Variants in AIG1 observed in about 807,000 individuals in gnomAD.
The protein encoded by AIG1 is androgen-induced gene 1 protein.
AIG1 carries 23 observed loss-of-function variants against 31.4 expected under a neutral mutation model. The ratio of observed to expected loss-of-function variants is 0.73; its 90% CI spans 0.53 to 1.04. The LOEUF (loss-of-function observed/expected upper bound fraction) is 1.04. Ranked by LOEUF, AIG1 falls within the 50% of genes least tolerant of loss-of-function variation. The probability of loss-of-function intolerance (pLI) is 0.00; values close to 1 mark genes in which losing one functional copy is unlikely to be tolerated. For synonymous variants in AIG1, 100 were observed against 110.5 expected, an observed-to-expected ratio of 0.90 and a Z score of 0.60; for missense variants, 274 against 295.0, an observed-to-expected ratio of 0.93 and a Z score of 0.52.
At chr6:143,315,381 A>G (rs901157731) in intron 4 of AIG1, among the ~76,000 whole-genome samples, 6 of 152,176 alleles carry the variant, frequency 3.9e-5, no homozygotes, top group Non-Finnish European at 8.8e-5. Flanking sequence ...GTGTTGAAGA[A>G]GAACAAAGTA....
In AIG1 at chr6:143,256,459, G is replaced by A. The variant is rs543856989; in HGVS notation, c.400-27651G>A. ...TGCTACTGACTTCTTAAACTCGAAC[G>A]TTGGCTGTTCATTTGCCATCAGTAA... On this transcript the variant is annotated intron_variant, in intron 3 of 5. Coordinates refer to ENST00000357847, the MANE Select transcript of AIG1 (RefSeq NM_016108.4). This position sits in a 1 kb window ranked among gnomAD's most constrained non-coding sequence, Gnocchi z 4.6. Among the ~76,000 whole-genome samples the A allele has an allele frequency of 1.3e-5, 2 of 152,318 alleles. No individual in the cohort carries two copies. The highest frequency in any genetic ancestry group is 1.9e-4 in the East Asian group (1 of 5,196).
intron 3 of AIG1, among the ~76,000 whole-genome samples, chr6:143,278,587 GC>G (rs1177822869): frequency 6.6e-6 from 1 of 151,402 alleles, no homozygotes; most frequent in Non-Finnish European, 1.5e-5. Context: ...TCCTGCCTCA[GC>G]CTCCCAACTA....
intron 3 of AIG1, among the ~76,000 whole-genome samples, chr6:143,240,684 A>G (rs951130973): frequency 2.0e-5 from 3 of 152,246 alleles, no homozygotes; most frequent in Admixed American, 1.3e-4. Context: ...CCAATCTGTC[A>G]TGAACCAAAA....
At chr6:143,195,623 C>T (rs1008171944) in intron 3 of AIG1, among the ~76,000 whole-genome samples, 12 of 150,916 alleles carry the variant, frequency 8.0e-5, no homozygotes, top group African/African-American at 2.9e-4. Flanking sequence ...ACTGGCCACC[C>T]TGAGGGAGCA....
intron 3 of AIG1, among the ~76,000 whole-genome samples, chr6:143,185,069 G>A (rs1190433498): frequency 1.3e-5 from 2 of 151,980 alleles, no homozygotes; most frequent in Non-Finnish European, 1.5e-5. Flanking sequence ...GGTGGTGCAC[G>A]CCTGTAGTCC....
intron 1 of AIG1, among the ~76,000 whole-genome samples, chr6:143,080,893 A>G (rs994660055): frequency 5.9e-5 from 9 of 152,242 alleles, no homozygotes; most frequent in South Asian, 4.1e-4. Flanking sequence ...GGGATGGGGA[A>G]TTAAAGGGGA....
intron 3 of AIG1, among the ~76,000 whole-genome samples, chr6:143,238,130 G>A (rs1381688227): frequency 1.3e-5 from 2 of 151,940 alleles, no homozygotes; most frequent in Non-Finnish European, 1.5e-5. Flanking sequence ...TAGTAGAGAC[G>A]GGGTTTCACC....
At chr6:143,156,872 T>C (rs1049903667) in intron 2 of AIG1, among the ~76,000 whole-genome samples, 4 of 152,322 alleles carry the variant, frequency 2.6e-5, no homozygotes, top group Admixed American at 6.5e-5. Flanking sequence ...AGCATGACCT[T>C]GGGCTAGTCC....
Position 143,134,982 on chromosome 6 carries a change from A to G in AIG1, c.142-1853A>G, listed in dbSNP as rs143521934. Among the ~76,000 whole-genome samples, 234 of 152,144 alleles carry G rather than the reference A, an allele frequency of 1.5e-3. 1 individual carries two copies. The highest frequency in any genetic ancestry group is 5.5e-3 in the African/African-American group (227 of 41,550). On this transcript the variant is annotated intron_variant, in intron 1 of 5. Coordinates refer to ENST00000357847, the MANE Select transcript of AIG1 (RefSeq NM_016108.4). ...CTTAAGATATTTTCAGTTTACTATG[A>G]GTTTATAGGGACGTAGCTGCATCAT... is the stretch of plus-strand genomic sequence containing the variant.
intron 4 of AIG1, among the ~76,000 whole-genome samples, chr6:143,295,466 C>T (rs1798360578): frequency 6.6e-6 from 1 of 152,170 alleles, no homozygotes; most frequent in Non-Finnish European, 1.5e-5. Context: ...GACCTCTGGC[C>T]TCATCATATT....
At chr6:143,061,613 T>C (rs777150454) in intron 1 of AIG1, 1 of 289,470 alleles carries the variant, frequency 3.5e-6, no homozygotes, top group Non-Finnish European at 6.9e-6. Context: ...TTTTCCCCCA[T>C]TGTCAATAAT....
chr6:143,302,794 C>T (rs200345159), intron 4 of AIG1, among the ~76,000 whole-genome samples: 68 of 152,294 alleles, frequency 4.5e-4, no homozygotes, highest in Non-Finnish European at 8.4e-4. Flanking sequence ...CCTGAGGAAT[C>T]GCCACACTGA....
intron 1 of AIG1, among the ~76,000 whole-genome samples, chr6:143,101,976 C>T (rs1428843414): frequency 6.6e-6 from 1 of 152,060 alleles, no homozygotes; most frequent in Non-Finnish European, 1.5e-5. Context: ...TCAAAGATTT[C>T]CCAGGTTATT....
Position 143,299,888 on chromosome 6 carries a change from CT to C in AIG1, c.515+15666del, listed in dbSNP as rs1798706127. ...GATCAGATGTCACATCCTCCAGAAGCTTTCCCTGACATTCTGAGTCAGTGTC... is the reference window on the plus strand; with the variant it reads ...GATCAGATGTCACATCCTCCAGAAGCTTCCCTGACATTCTGAGTCAGTGTC... On this transcript the variant is annotated intron_variant, in intron 4 of 5. Coordinates refer to ENST00000357847, the MANE Select transcript of AIG1 (RefSeq NM_016108.4). This position sits in a 1 kb window ranked among gnomAD's most constrained non-coding sequence, Gnocchi z 4.1. Among the ~76,000 whole-genome samples the C allele has an allele frequency of 6.6e-6, 1 of 152,208 alleles. No homozygotes were observed.
chr6:143,115,475 A>G (rs986016756), intron 1 of AIG1, among the ~76,000 whole-genome samples: 3 of 152,198 alleles, frequency 2.0e-5, no homozygotes, highest in Non-Finnish European at 4.4e-5. Context: ...ATAAATTCCT[A>G]TAATTTCTCA....
chr6:143,325,626 C>T lies in AIG1; in HGVS notation c.516-7656C>T, dbSNP rs1776546539. Among the ~76,000 whole-genome samples, 3 of 152,308 alleles carry T rather than the reference C, an allele frequency of 2.0e-5. No individual in the cohort carries two copies. Among genetic ancestry groups the T allele is most frequent in the South Asian group, 2.1e-4 (1 of 4,824 alleles). On this transcript the variant is annotated intron_variant, in intron 4 of 5. Transcript: ENST00000357847. This position sits in a 1 kb window ranked among gnomAD's most constrained non-coding sequence, Gnocchi z 4.3. ...ATTAATCCTTAACTCATCTCAGTTTCCTCATTGCCTAAATCTAATCAATCA... is the reference window on the plus strand; with the variant it reads ...ATTAATCCTTAACTCATCTCAGTTTTCTCATTGCCTAAATCTAATCAATCA...
intron 3 of AIG1, among the ~76,000 whole-genome samples, chr6:143,249,391 T>C (rs1794846369): frequency 6.6e-6 from 1 of 152,202 alleles, no homozygotes; most frequent in South Asian, 2.1e-4. Flanking sequence ...AAGCTTGGGT[T>C]ACTGAAGTTA....
At chr6:143,290,639 A>G (rs550887066) in intron 4 of AIG1, among the ~76,000 whole-genome samples, 137 of 152,192 alleles carry the variant, frequency 9.0e-4, no homozygotes, top group Admixed American at 2.2e-3. Context: ...GTCTTTCTCT[A>G]TTGGGAGACT....
intron 3 of AIG1, among the ~76,000 whole-genome samples, chr6:143,239,646 T>TC (rs148231614): frequency 6.6e-6 from 1 of 152,220 alleles, no homozygotes; most frequent in Non-Finnish European, 1.5e-5. Flanking sequence ...AGTAAACTTC[T>TC]CCCCCTTCAC....
Sources: gnomAD v4.1 joint callset for allele counts (sites outside exome capture counted in the v4.1 genomes callset) on GRCh38, gnomAD v4.1.1 for gene constraint, Gnocchi (gnomAD v3.1) non-coding constraint, MANE v1.5 for transcripts, NCBI Gene and HGNC (gene_info 2026-07-23, HGNC 2026-07-21) for gene names.